The following INSYN2A variants were observed in gnomAD, a reference collection of about 807,000 sequenced individuals.
INSYN2A encodes the protein inhibitory synaptic factor 2A, also known as family with sequence similarity 196 member A.
Under a neutral mutation model 39.4 loss-of-function variants are expected in INSYN2A, and 17 were observed. That is an observed-to-expected ratio of 0.43 (90% CI 0.30 to 0.65). INSYN2A has a LOEUF of 0.65. INSYN2A is among the 30% of genes least tolerant of loss of function. The pLI is 0.14. For missense variants in INSYN2A, 595 were observed against 631.2 expected, an observed-to-expected ratio of 0.94 and a Z score of 0.61; for synonymous variants, 255 against 265.7, an observed-to-expected ratio of 0.96 and a Z score of 0.39.
At chr10:127,188,663 G>C (rs535108677) in intron 2 of INSYN2A, among the ~76,000 whole-genome samples, 132 of 152,308 alleles carry the variant, frequency 8.7e-4, no homozygotes, top group African/African-American at 3.0e-3. Flanking sequence ...GCTTGGATTT[G>C]AGTTCTGGCC....
intron 1 of INSYN2A, among the ~76,000 whole-genome samples, chr10:127,193,537 T>C (rs61874036): frequency 0.015 from 2,321 of 152,282 alleles, 17 homozygotes; most frequent in Non-Finnish European, 0.024. Flanking sequence ...CAGAGTTCAG[T>C]AGTTGTCTCT....
intron 2 of INSYN2A, among the ~76,000 whole-genome samples, chr10:127,190,776 G>A (rs1002659758): frequency 6.9e-6 from 1 of 145,108 alleles, no homozygotes; most frequent in African/African-American, 2.6e-5. Context: ...TTTCTATCTT[G>A]CCACATTACA....
intron 2 of INSYN2A, among the ~76,000 whole-genome samples, chr10:127,181,927 C>T (rs1490203454): frequency 6.6e-6 from 1 of 152,162 alleles, no homozygotes; most frequent in East Asian, 1.9e-4. Context: ...GATTCATTAT[C>T]CGGTTTAATT....
chr10:127,137,055 GA>G lies in INSYN2A; in HGVS notation c.*781del, dbSNP rs1021971616. 4 of 152,616 alleles carry G rather than the reference GA, an allele frequency of 2.6e-5. No individual in the cohort carries two copies. Among genetic ancestry groups the G allele is most frequent in the African/African-American group, 9.7e-5 (4 of 41,440 alleles). The allele number at this position is 152,616 out of a possible 1,614,324, so 9.5% of individuals were successfully genotyped here. ...CTTTGGGTACCAAAAGATTAAAAAT[GA>G]GATCTAAGAAAACTTAGTGTCCAAT... On this transcript the variant is annotated 3_prime_UTR_variant, in exon 6 of 6. Transcript: ENST00000522781.
chr10:127,186,485 T>A (rs1207748547), intron 2 of INSYN2A, among the ~76,000 whole-genome samples: 1 of 118,808 alleles, frequency 8.4e-6, no homozygotes. Flanking sequence ...CTCACAATCA[T>A]GATAACAGCA....
intron 2 of INSYN2A, among the ~76,000 whole-genome samples, chr10:127,183,131 G>C (rs1312243714): frequency 9.0e-6 from 1 of 111,380 alleles, no homozygotes; most frequent in Admixed American, 1.1e-4. Flanking sequence ...TGATTTATCT[G>C]AAACTAAAAC....
In INSYN2A at chr10:127,140,215, G is replaced by C. The variant is rs1426677310; in HGVS notation, c.1257-2195C>G. ...ATTAAGCAACTACACTGGGAATCCT[G>C]TTATTAACCAATTTATCACACCAAG... On this transcript the variant is annotated intron_variant, in intron 5 of 5. Coordinates refer to ENST00000522781, the MANE Select transcript of INSYN2A (RefSeq NM_001039762.3). 5.9e-5 allele frequency among the ~76,000 whole-genome samples: 9 copies of C among 152,176 alleles called. 1 individual carries two copies. Among genetic ancestry groups the C allele is most frequent in the Admixed American group, 3.9e-4 (6 of 15,286 alleles).
At chr10:127,149,397 T>G (rs1421307339) in intron 5 of INSYN2A, among the ~76,000 whole-genome samples, 1 of 152,194 alleles carries the variant, frequency 6.6e-6, no homozygotes, top group African/African-American at 2.4e-5. Flanking sequence ...CGTTTGTCCT[T>G]TTGATGCTTT....
chr10:127,167,808 C>G (rs1262396054), intron 4 of INSYN2A, among the ~76,000 whole-genome samples: 2 of 152,012 alleles, frequency 1.3e-5, no homozygotes, highest in Non-Finnish European at 2.9e-5. Flanking sequence ...TAGTGATCCT[C>G]ACCACCACCC....
chr10:127,155,512 C>T (rs1331509631), intron 4 of INSYN2A, among the ~76,000 whole-genome samples: 2 of 152,164 alleles, frequency 1.3e-5, no homozygotes, highest in Admixed American at 1.3e-4. Context: ...CCACAGCAGG[C>T]CATTCCGTTC....
In INSYN2A at chr10:127,152,556, G is replaced by T. The variant is rs990008759; in HGVS notation, c.1256+1296C>A. ...CTAAGGTGGGGGTGGTTTCAGTAAG[G>T]TAGGCTTTCTCAACCTCAGCACTAT... On this transcript the variant is annotated intron_variant, in intron 5 of 5. Transcript: ENST00000522781. Among the ~76,000 whole-genome samples the T allele has an allele frequency of 4.6e-5, 7 of 152,292 alleles. No homozygotes were observed. The East Asian group carries it at 1.4e-3, about 29-fold the overall frequency.
intron 4 of INSYN2A, among the ~76,000 whole-genome samples, chr10:127,160,359 G>T (rs2053492643): frequency 6.6e-6 from 1 of 152,168 alleles, no homozygotes; most frequent in Admixed American, 6.5e-5. Context: ...ATTCTCAATG[G>T]AAAGTTCTCT....
chr10:127,165,600 C>G (rs1256540606), intron 4 of INSYN2A, among the ~76,000 whole-genome samples: 2 of 152,032 alleles, frequency 1.3e-5, no homozygotes, highest in Non-Finnish European at 2.9e-5. Context: ...GCATTGCAAA[C>G]AATGCAGTAT....
At position 127,175,058 on chromosome 10, in the gene INSYN2A, C is replaced by A. The variant is rs2054955113; in HGVS notation, c.1184+154G>T. Among the ~76,000 whole-genome samples, 1 of 152,174 alleles carries A rather than the reference C, an allele frequency of 6.6e-6. No homozygotes were observed. Reference sequence around the variant, plus strand: ...GTGACGTCTAGTATCATAAAATAATCTGCGACCCCTTGGAGCTCGCCACGC... The same window carrying A: ...GTGACGTCTAGTATCATAAAATAATATGCGACCCCTTGGAGCTCGCCACGC... On this transcript the variant is annotated intron_variant, in intron 4 of 5. Transcript: ENST00000522781. The surrounding 1 kb of genome is among the most constrained non-coding windows in gnomAD (Gnocchi z 6.3).
chr10:127,144,474 C>G (rs192537248), intron 5 of INSYN2A, among the ~76,000 whole-genome samples: 148 of 152,320 alleles, frequency 9.7e-4, no homozygotes, highest in African/African-American at 3.2e-3. Context: ...GTGCATTTAG[C>G]ACAGTGCTGG....
intron 5 of INSYN2A, chr10:127,146,047 A>C: frequency 1.9e-6 from 1 of 518,542 alleles, no homozygotes; most frequent in Non-Finnish European, 3.9e-6. Flanking sequence ...ACCCAGCCCT[A>C]GACATCGTGG....
Position 127,176,166 on chromosome 10 carries a change from G to A in INSYN2A, c.230C>T (p.Pro77Leu). 6.2e-7 allele frequency: 1 copy of A among 1,614,092 alleles called. No homozygotes were observed. The highest frequency in any genetic ancestry group is 8.5e-7 in the Non-Finnish European group (1 of 1,180,034). Residue 77 changes from proline (P) to leucine (L), a missense_variant, in exon 4 of 6, where the codon CCC becomes CTC. Around this residue, in one of 2 missense-constraint regions of INSYN2A, gnomAD observed 478 missense variants for 467.4 expected, o/e 1.02. Coordinates refer to ENST00000522781, the MANE Select transcript of INSYN2A (RefSeq NM_001039762.3). The surrounding 1 kb of genome is among the most constrained non-coding windows in gnomAD (Gnocchi z 4.4). ...GCGGTAGGCTGCTCTGCAGGACACG[G>A]GCTTGGCCTCCCGCTTCTCCCCCAG... ...GQLGEKREAKPVSCRAAYRKY... is the reference protein window; with the variant it reads ...GQLGEKREAKLVSCRAAYRKY...
chr10:127,176,245 C>T lies in INSYN2A; in HGVS notation c.151G>A (p.Asp51Asn). 6.2e-7 allele frequency: 1 copy of T among 1,614,146 alleles called. No individual in the cohort carries two copies. Among genetic ancestry groups the T allele is most frequent in the Non-Finnish European group, 8.5e-7 (1 of 1,180,038 alleles). ...RNKALQVRFK[D>N]ICEAQNEQRD... Reference sequence around the variant, plus strand: ...TGCTCATTCTGTGCCTCGCAGATATCCTTAAACCGCACCTGCAGGGCTTTG... The same window carrying T: ...TGCTCATTCTGTGCCTCGCAGATATTCTTAAACCGCACCTGCAGGGCTTTG... The change falls in exon 4 of 6, where the codon GAT becomes AAT. Residue 51 changes from aspartate (D) to asparagine (N), a missense_variant. Asp to Asn is a conservative substitution (Grantham distance 23, BLOSUM62 1). Around this residue, in one of 2 missense-constraint regions of INSYN2A, gnomAD observed 478 missense variants for 467.4 expected, o/e 1.02. Transcript: ENST00000522781. This position sits in a 1 kb window ranked among gnomAD's most constrained non-coding sequence, Gnocchi z 4.4.
chr10:127,160,385 T>C (rs1375362449), intron 4 of INSYN2A, among the ~76,000 whole-genome samples: 1 of 152,208 alleles, frequency 6.6e-6, no homozygotes, highest in African/African-American at 2.4e-5. Context: ...CATTCCTGGG[T>C]GACTGGATGG....
Sources: allele counts gnomAD v4.1 joint callset (sites outside exome capture counted in the v4.1 genomes callset), GRCh38; gene constraint gnomAD v4.1.1; regional missense constraint gnomAD v4.1.1; non-coding constraint Gnocchi (gnomAD v3.1); transcripts MANE v1.5; gene names NCBI Gene and HGNC (gene_info 2026-07-23, HGNC 2026-07-21).